The following NECTIN3 variants were observed in gnomAD, a reference collection of about 807,000 sequenced individuals.
NECTIN3 encodes nectin-3.
In NECTIN3, 8 loss-of-function variants were observed where a neutral mutation model predicts 49.4. The ratio of observed to expected loss-of-function variants is 0.16; its 90% confidence interval spans 0.10 to 0.29. NECTIN3 has a LOEUF of 0.29. NECTIN3 is among the 10% of genes least tolerant of loss of function. NECTIN3 has a pLI of 1.00. For missense variants in NECTIN3, 581 were observed against 654.6 expected (o/e 0.89, Z 1.23); for synonymous variants, 277 against 241.1 (o/e 1.15, Z -1.38).
chr3:111,177,216 A>G (rs1353379479), intron 7 of NECTIN3, among the ~76,000 whole-genome samples: 2 of 151,776 alleles, frequency 1.3e-5, no homozygotes, highest in Non-Finnish European at 2.9e-5. Context: ...TGGCATTTCT[A>G]AGGAGGCCCA....
intron 1 of NECTIN3, among the ~76,000 whole-genome samples, chr3:111,093,601 A>C (rs770856484): frequency 6.6e-6 from 1 of 151,618 alleles, no homozygotes; most frequent in Non-Finnish European, 1.5e-5. Context: ...CGCCTGGATA[A>C]TTTTTTGTAT....
chr3:111,116,749 T>G (rs537580503), intron 2 of NECTIN3, among the ~76,000 whole-genome samples: 5 of 152,068 alleles, frequency 3.3e-5, no homozygotes, highest in Non-Finnish European at 7.4e-5. Flanking sequence ...GAAAAGATCT[T>G]CAACCTTATT....
rs1043596072 is a variant in NECTIN3, at chr3:111,134,931, G to A, written c.*716G>A. 10 of 982,928 alleles carry A rather than the reference G, an allele frequency of 1.0e-5. No homozygotes were observed. The African/African-American group carries it at 1.2e-4, about 12-fold the overall frequency. 60.9% of individuals were successfully genotyped at this position (982,928 alleles called of 1,614,324 possible). The stretch of plus-strand genomic sequence containing the variant: ...GTCAATATTTTTGTCCAAAATACCT[G>A]CAAGAGTAATAAAATACATACCTTT... On this transcript the variant is annotated 3_prime_UTR_variant, in exon 6 of 6. Coordinates refer to ENST00000485303, the MANE Select transcript of NECTIN3 (RefSeq NM_015480.3).
chr3:111,136,312 T>C lies in NECTIN3; in HGVS notation c.*2097T>C. ...ATTTCAAAAATATAAATACTGATTA[T>C]GAACTTCCTTTTACATTGTGGTTAT... On this transcript the variant is annotated 3_prime_UTR_variant, in exon 6 of 6. Transcript: ENST00000485303. 1.0e-6 allele frequency: 1 copy of C among 981,488 alleles called. No homozygotes were observed. Among genetic ancestry groups the C allele is most frequent in the Non-Finnish European group, 1.2e-6 (1 of 826,464 alleles). 60.8% of individuals were successfully genotyped at this position (981,488 alleles called of 1,614,324 possible).
exon 6 of NECTIN3, chr3:111,145,011 A>G (rs1444350336): frequency 1.3e-6 from 2 of 1,536,522 alleles, no homozygotes; most frequent in Admixed American, 3.9e-5. Context: ...CTCCTCGAAA[A>G]AAAAGACCAT....
At chr3:111,075,158 G>C (rs2031092075) in intron 1 of NECTIN3, 3 of 152,120 alleles carry the variant, frequency 2.0e-5, no homozygotes, top group South Asian at 4.2e-4. Flanking sequence ...CTTTGGGTTC[G>C]ACCTAAAGGA....
At chr3:111,173,432 C>G (rs1298671853) in intron 7 of NECTIN3, among the ~76,000 whole-genome samples, 1 of 152,140 alleles carries the variant, frequency 6.6e-6, no homozygotes, top group African/African-American at 2.4e-5. Flanking sequence ...CATGGCAGTC[C>G]TATACCTTCT....
At chr3:111,084,284 T>C (rs567069163) in intron 1 of NECTIN3, among the ~76,000 whole-genome samples, 19 of 151,784 alleles carry the variant, frequency 1.3e-4, no homozygotes, top group African/African-American at 4.4e-4. Context: ...ATAGAACCTG[T>C]GGTGAAAAAT....
At chr3:111,111,530 A>T (rs568872599) in intron 1 of NECTIN3, among the ~76,000 whole-genome samples, 1 of 152,236 alleles carries the variant, frequency 6.6e-6, no homozygotes, top group African/African-American at 2.4e-5. Context: ...CATGTAAAAA[A>T]TTTACCCCAA....
In NECTIN3 at chr3:111,137,208, T is replaced by C; in HGVS notation, c.*2993T>C. The C allele has an allele frequency of 4.3e-6, 4 of 937,030 alleles. No individual in the cohort carries two copies. Among genetic ancestry groups the C allele is most frequent in the Non-Finnish European group, 5.1e-6 (4 of 786,142 alleles). The allele number at this position is 937,030 out of a possible 1,614,324, so 58.0% of individuals were successfully genotyped here. The stretch of plus-strand genomic sequence containing the variant: ...AGTATATGAACAAGTAAGAAGTTTA[T>C]GTATGAAAGTAATCAATGTAAAATA... On this transcript the variant is annotated 3_prime_UTR_variant, in exon 6 of 6. Transcript: ENST00000485303.
At position 111,193,210 on chromosome 3, in the gene NECTIN3, A is replaced by G. The variant is rs80171949; in HGVS notation, c.63+797A>G. On this transcript the variant is annotated intron_variant, in intron 1 of 1. Coordinates refer to the NECTIN3 transcript ENST00000485506. ...TGTTTGAATTTTTAGAATGGACTAA[A>G]TAGCAGGAGTTTTGACTATGAAGAT... 1.3e-3 allele frequency: 1,976 copies of G among 1,535,578 alleles called. 13 individuals carry two copies. The African/African-American group carries it at 0.021, about 17-fold the overall frequency.
intron 1 of NECTIN3, among the ~76,000 whole-genome samples, chr3:111,101,490 G>A (rs764554082): frequency 4.6e-5 from 7 of 151,996 alleles, no homozygotes; most frequent in Admixed American, 1.3e-4. Flanking sequence ...TTATAGAAAC[G>A]TAAACTTTTA....
chr3:111,107,939 A>G (rs940637199), intron 1 of NECTIN3, among the ~76,000 whole-genome samples: 3 of 152,184 alleles, frequency 2.0e-5, no homozygotes, highest in Non-Finnish European at 4.4e-5. Context: ...AAAAGCAGAT[A>G]TGTAATTAGA....
At chr3:111,153,459 GC>G (rs2035038422) in intron 7 of NECTIN3, among the ~76,000 whole-genome samples, 1 of 151,872 alleles carries the variant, frequency 6.6e-6, no homozygotes. Context: ...TCATATCAAA[GC>G]TTTTGCTATC....
chr3:111,184,053 G>A (rs1347395336), intron 7 of NECTIN3, among the ~76,000 whole-genome samples: 1 of 151,756 alleles, frequency 6.6e-6, no homozygotes, highest in Non-Finnish European at 1.5e-5. Context: ...TTTTCCCTCT[G>A]TTCTTTTGTA....
intron 1 of NECTIN3, chr3:111,077,344 TAAA>T (rs10667346): frequency 6.5e-3 from 518 of 80,138 alleles, no homozygotes; most frequent in South Asian, 0.022. Flanking sequence ...ACTTTAATGG[TAAA>T]AAAAAAAAAA....
intron 1 of NECTIN3, among the ~76,000 whole-genome samples, chr3:111,193,958 T>G (rs888758004): frequency 6.6e-6 from 1 of 152,178 alleles, no homozygotes; most frequent in Non-Finnish European, 1.5e-5. Context: ...GCCTGTTGGT[T>G]GCTTTTAAAC....
At chr3:111,115,428 CT>C (rs1195674820) in intron 2 of NECTIN3, among the ~76,000 whole-genome samples, 1 of 152,198 alleles carries the variant, frequency 6.6e-6, no homozygotes, top group Non-Finnish European at 1.5e-5. Flanking sequence ...GTCTTCTATT[CT>C]CAGCCCCTTG....
At chr3:111,186,241 A>G (rs1249033218) in intron 7 of NECTIN3, among the ~76,000 whole-genome samples, 2 of 152,144 alleles carry the variant, frequency 1.3e-5, no homozygotes, top group African/African-American at 4.8e-5. Flanking sequence ...AAAGAGTTTG[A>G]ATAGCCAAGG....
Sources: gnomAD v4.1 joint callset for allele counts (sites outside exome capture counted in the v4.1 genomes callset) on GRCh38, gnomAD v4.1.1 for gene constraint, MANE v1.5 for transcripts, NCBI Gene and HGNC (gene_info 2026-07-23, HGNC 2026-07-21) for gene names.